The following CTNNA3 variants were observed in gnomAD, a reference collection of about 807,000 sequenced individuals.
CTNNA3 encodes catenin alpha-3.
Under a neutral mutation model 95.7 loss-of-function variants are expected in CTNNA3, and 76 were observed. The ratio of observed to expected loss-of-function variants is 0.79; its 90% CI spans 0.66 to 0.96. The LOEUF (loss-of-function observed/expected upper bound fraction) is 0.96. Ranked by LOEUF, CTNNA3 falls within the 40% of genes least tolerant of loss-of-function variation. The pLI, the probability that CTNNA3 is intolerant of heterozygous loss-of-function variation, is 0.00. For synonymous variants in CTNNA3, 431 were observed against 374.4 expected (o/e 1.15, Z -1.74); for missense variants, 1,191 against 1,089.8 (o/e 1.09, Z -1.31).
chr10:67,699,847 G>A (rs908476617), upstream of CTNNA3, among the ~76,000 whole-genome samples: 2 of 152,230 alleles, frequency 1.3e-5, no homozygotes, highest in Non-Finnish European at 2.9e-5. Context: ...AGAACAACGG[G>A]TCGGGGAGTT....
intron 7 of CTNNA3, among the ~76,000 whole-genome samples, chr10:66,805,800 T>C (rs1841618170): frequency 6.6e-6 from 1 of 152,038 alleles, no homozygotes; most frequent in Admixed American, 6.6e-5. Flanking sequence ...AATATTTATT[T>C]TTCCAGGAAA....
At chr10:66,122,347 G>A (rs1245760276) in intron 13 of CTNNA3, among the ~76,000 whole-genome samples, 1 of 152,108 alleles carries the variant, frequency 6.6e-6, no homozygotes, top group African/African-American at 2.4e-5. Context: ...TCCAAGGAGT[G>A]TGGAACAATT....
At chr10:66,098,648 C>T (rs941217425) in intron 14 of CTNNA3, 3 of 152,070 alleles carry the variant, frequency 2.0e-5, no homozygotes, top group African/African-American at 7.2e-5. Context: ...TTTCATGTCT[C>T]TTTTGAATTT....
chr10:66,928,369 C>T (rs1847191369), intron 7 of CTNNA3: 1 of 1,614,126 alleles, frequency 6.2e-7, no homozygotes, highest in Non-Finnish European at 8.5e-7. Context: ...AGATTATAAA[C>T]CCACCAACAC....
intron 5 of CTNNA3, among the ~76,000 whole-genome samples, chr10:67,472,253 T>G (rs1194103279): frequency 2.0e-5 from 3 of 152,176 alleles, no homozygotes; most frequent in Non-Finnish European, 4.4e-5. Flanking sequence ...ATCTCTGCAC[T>G]TCTACACAGA....
intron 7 of CTNNA3, among the ~76,000 whole-genome samples, chr10:66,887,263 G>A (rs1845077620): frequency 6.6e-6 from 1 of 152,104 alleles, no homozygotes; most frequent in Non-Finnish European, 1.5e-5. Context: ...TAGCAACTCA[G>A]CAATATACAC....
intron 11 of CTNNA3, among the ~76,000 whole-genome samples, chr10:66,432,974 C>A (rs2093309568): frequency 6.6e-6 from 1 of 152,100 alleles, no homozygotes; most frequent in Non-Finnish European, 1.5e-5. Context: ...CAAAGGACAG[C>A]AACTCATCCT....
chr10:67,302,010 A>C (rs112867804), intron 5 of CTNNA3, among the ~76,000 whole-genome samples: 1,314 of 15,350 alleles, frequency 0.086, 256 homozygotes, highest in African/African-American at 0.36. Flanking sequence ...AACGAAAGAA[A>C]GAAAGAAAGA....
chr10:66,374,614 T>TTC (rs2092780536), intron 12 of CTNNA3, among the ~76,000 whole-genome samples: 1 of 119,222 alleles, frequency 8.4e-6, no homozygotes, highest in Non-Finnish European at 1.9e-5. Context: ...GCCTTTTTTT[T>TTC]TTTTTTTTTT....
At chr10:65,981,848 A>C (rs945034186) in intron 16 of CTNNA3, among the ~76,000 whole-genome samples, 1 of 151,960 alleles carries the variant, frequency 6.6e-6, no homozygotes, top group African/African-American at 2.4e-5. Context: ...AAATCAACTC[A>C]AGGTGAATGA....
rs1323736265 is a variant in CTNNA3 at position 67,452,072 on chromosome 10, A to G, written c.579+69770T>C. Among the ~76,000 whole-genome samples, 12 of 150,734 alleles carry G rather than the reference A, an allele frequency of 8.0e-5. No individual in the cohort carries two copies. In the East Asian group the frequency reaches 2.2e-3, roughly 27 times the overall value. On this transcript the variant is annotated intron_variant, in intron 5 of 17. Coordinates refer to ENST00000433211, the MANE Select transcript of CTNNA3 (RefSeq NM_013266.4). ...GAGGGAGGGAGGAATGGAAGGAAGGAAGGAAGGAAGGAAGGAAGGAAGGAA... is the reference window on the plus strand; with the variant it reads ...GAGGGAGGGAGGAATGGAAGGAAGGGAGGAAGGAAGGAAGGAAGGAAGGAA...
intron 7 of CTNNA3, among the ~76,000 whole-genome samples, chr10:66,785,272 A>G (rs1264214979): frequency 6.6e-6 from 1 of 152,194 alleles, no homozygotes; most frequent in Non-Finnish European, 1.5e-5. Context: ...TGTGACATCA[A>G]CTTGATTGGG....
intron 11 of CTNNA3, among the ~76,000 whole-genome samples, chr10:66,461,920 C>G (rs1457424822): frequency 6.6e-6 from 1 of 150,808 alleles, no homozygotes; most frequent in Admixed American, 6.6e-5. Flanking sequence ...TCAAGCAATT[C>G]TCCTGCCTCA....
intron 5 of CTNNA3, among the ~76,000 whole-genome samples, chr10:67,387,815 G>A (rs538954199): frequency 7.2e-5 from 11 of 152,234 alleles, no homozygotes; most frequent in Non-Finnish European, 1.5e-4. Flanking sequence ...CACCTCACAT[G>A]GCAGGGTATT....
chr10:66,300,354 AT>A (rs2091843142), intron 12 of CTNNA3, among the ~76,000 whole-genome samples: 1 of 152,122 alleles, frequency 6.6e-6, no homozygotes, highest in Non-Finnish European at 1.5e-5. Context: ...TGGTGCTTGT[AT>A]TGAAAATTCT....
intron 9 of CTNNA3, among the ~76,000 whole-genome samples, chr10:66,695,568 C>T (rs939496395): frequency 6.6e-6 from 1 of 152,132 alleles, no homozygotes; most frequent in Non-Finnish European, 1.5e-5. Flanking sequence ...GAAATAGACA[C>T]AGCTTCTCCC....
intron 13 of CTNNA3, among the ~76,000 whole-genome samples, chr10:66,174,329 C>T: frequency 6.6e-6 from 1 of 152,016 alleles, no homozygotes; most frequent in East Asian, 1.9e-4. Context: ...ATAACTACTA[C>T]CAAATTTTTA....
chr10:67,591,602 C>T (rs908803480), intron 3 of CTNNA3, among the ~76,000 whole-genome samples: 9 of 151,670 alleles, frequency 5.9e-5, no homozygotes, highest in African/African-American at 1.5e-4. Context: ...GGATTATTAA[C>T]CATAATATGT....
chr10:65,931,112 C>T (rs1179093143), intron 17 of CTNNA3, among the ~76,000 whole-genome samples: 1 of 152,080 alleles, frequency 6.6e-6, no homozygotes, highest in Non-Finnish European at 1.5e-5. Context: ...TAACTTGACC[C>T]TATAAACTAT....
Sources: gnomAD v4.1 joint callset for allele counts (sites outside exome capture counted in the v4.1 genomes callset) on GRCh38, gnomAD v4.1.1 for gene constraint, MANE v1.5 for transcripts, NCBI Gene and HGNC (gene_info 2026-07-23, HGNC 2026-07-21) for gene names.